Variants in ADAM12 observed in about 807,000 individuals in gnomAD.
ADAM12 encodes ADAM metallopeptidase domain 12.
In ADAM12, 70 loss-of-function variants were observed where a neutral mutation model predicts 106.4. The observed-to-expected ratio is 0.66, with a 90% confidence interval of 0.54 to 0.80. The LOEUF is 0.80. ADAM12 is among the 30% of genes least tolerant of loss of function. The pLI is 0.00. For missense variants in ADAM12, 1,010 were observed against 1,171.9 expected (o/e 0.86, Z 2.02); for synonymous variants, 420 against 433.5 (o/e 0.97, Z 0.39).
chr10:126,116,709 C>T (rs567202574), intron 6 of ADAM12, among the ~76,000 whole-genome samples: 2 of 151,800 alleles, frequency 1.3e-5, no homozygotes, highest in Admixed American at 6.6e-5. Context: ...AAACAGAAGA[C>T]GTGAGGGTTA....
intron 1 of ADAM12, among the ~76,000 whole-genome samples, chr10:126,375,569 G>C (rs1266024239): frequency 6.6e-6 from 1 of 151,890 alleles, no homozygotes; most frequent in Non-Finnish European, 1.5e-5. Flanking sequence ...TACTAAAACT[G>C]TGGAAACAGA....
intron 11 of ADAM12, among the ~76,000 whole-genome samples, chr10:126,079,077 A>G (rs1955159159): frequency 6.6e-6 from 1 of 152,158 alleles, no homozygotes; most frequent in Non-Finnish European, 1.5e-5. Context: ...CTCAAGCCCC[A>G]CTCAGACCTA....
chr10:126,289,331 G>C (rs113682498), intron 2 of ADAM12, among the ~76,000 whole-genome samples: 4 of 152,244 alleles, frequency 2.6e-5, no homozygotes, highest in Non-Finnish European at 5.9e-5. Flanking sequence ...ATGCCAAGGC[G>C]GGGAGGCAGA....
intron 10 of ADAM12, among the ~76,000 whole-genome samples, chr10:126,095,597 T>C (rs984428462): frequency 1.3e-5 from 2 of 151,216 alleles, no homozygotes; most frequent in Non-Finnish European, 2.9e-5. Flanking sequence ...CATAATGTAT[T>C]AATCCATTCA....
chr10:126,092,186 C>T (rs1172406137), intron 11 of ADAM12, among the ~76,000 whole-genome samples: 1 of 152,076 alleles, frequency 6.6e-6, no homozygotes, highest in Non-Finnish European at 1.5e-5. Flanking sequence ...CATGGGAAAC[C>T]ATTTCTGGAG....
intron 5 of ADAM12, among the ~76,000 whole-genome samples, chr10:126,124,083 T>A: frequency 6.6e-6 from 1 of 152,162 alleles, no homozygotes; most frequent in East Asian, 1.9e-4. Flanking sequence ...TAATGTCTGA[T>A]CCTGATTTTT....
chr10:126,128,505 C>T (rs544580908), intron 5 of ADAM12, among the ~76,000 whole-genome samples: 1 of 152,368 alleles, frequency 6.6e-6, no homozygotes, highest in African/African-American at 2.4e-5. Context: ...ATCATCAGCA[C>T]CCCACAGAGT....
intron 3 of ADAM12, among the ~76,000 whole-genome samples, chr10:126,258,826 C>T (rs1166768025): frequency 6.6e-6 from 1 of 152,206 alleles, no homozygotes; most frequent in African/African-American, 2.4e-5. Flanking sequence ...TTCTTTCCCT[C>T]ATTGCCCATG....
intron 3 of ADAM12, among the ~76,000 whole-genome samples, chr10:126,231,315 T>G (rs1420718287): frequency 2.0e-5 from 3 of 151,888 alleles, no homozygotes; most frequent in Non-Finnish European, 4.4e-5. Flanking sequence ...AGGGTTTTTA[T>G]AACAACGATG....
chr10:126,239,951 T>C (rs1303086808), intron 3 of ADAM12, among the ~76,000 whole-genome samples: 1 of 152,216 alleles, frequency 6.6e-6, no homozygotes, highest in African/African-American at 2.4e-5. Flanking sequence ...ACCCAATCAC[T>C]GGGTGTCCAC....
chr10:126,114,944 A>C (rs1955952810), intron 6 of ADAM12, among the ~76,000 whole-genome samples: 1 of 152,176 alleles, frequency 6.6e-6, no homozygotes, highest in South Asian at 2.1e-4. Flanking sequence ...CTCTACATAT[A>C]ATGTGCTATA....
At chr10:126,302,838 T>G (rs1486716718) in intron 2 of ADAM12, among the ~76,000 whole-genome samples, 1 of 152,254 alleles carries the variant, frequency 6.6e-6, no homozygotes, top group Non-Finnish European at 1.5e-5. Flanking sequence ...CCTGTGTGTA[T>G]TTTTGAGGCA....
intron 3 of ADAM12, among the ~76,000 whole-genome samples, chr10:126,276,495 G>A (rs1237975962): frequency 6.6e-6 from 1 of 152,064 alleles, no homozygotes; most frequent in African/African-American, 2.4e-5. Context: ...TGCGTCAAAG[G>A]TATAGTTAAT....
intron 2 of ADAM12, among the ~76,000 whole-genome samples, chr10:126,306,183 C>T (rs769810102): frequency 2.0e-5 from 3 of 151,612 alleles, no homozygotes; most frequent in Non-Finnish European, 4.4e-5. Context: ...TTAAAATAAA[C>T]TTTATATTTT....
chr10:126,305,304 A>G (rs1300987087), intron 2 of ADAM12, among the ~76,000 whole-genome samples: 2 of 152,082 alleles, frequency 1.3e-5, no homozygotes, highest in Non-Finnish European at 2.9e-5. Context: ...TGGACTCCTG[A>G]TACCAACAAC....
rs748051393 is a variant in ADAM12, at chr10:126,019,688, C to T, written c.2660+7G>A. On this transcript the variant is annotated splice_region_variant and intron_variant, in intron 22 of 22. Coordinates refer to ENST00000448723, the MANE Select transcript of ADAM12 (RefSeq NM_001288973.2). ...AGAAAGAGATGGGCATGGCATGTCA[C>T]ACAAACCTGAGGGGTGCCAGGCGGA... The T allele has an allele frequency of 6.2e-7, 1 of 1,612,196 alleles. No individual in the cohort carries two copies. Among genetic ancestry groups the T allele is most frequent in the Non-Finnish European group, 8.5e-7 (1 of 1,178,916 alleles).
chr10:126,190,860 G>C (rs1057396549), intron 3 of ADAM12, among the ~76,000 whole-genome samples: 9 of 152,140 alleles, frequency 5.9e-5, no homozygotes, highest in Non-Finnish European at 7.4e-5. Context: ...AAATAAGATA[G>C]TGGGGTTAGA....
At chr10:126,175,792 G>C (rs371058191) in intron 3 of ADAM12, among the ~76,000 whole-genome samples, 2 of 152,234 alleles carry the variant, frequency 1.3e-5, no homozygotes, top group East Asian at 1.9e-4. Flanking sequence ...CCAGCCGGTG[G>C]CTGCCCTGCA....
At chr10:126,201,583 T>C (rs976270602) in intron 3 of ADAM12, among the ~76,000 whole-genome samples, 1 of 152,138 alleles carries the variant, frequency 6.6e-6, no homozygotes, top group African/African-American at 2.4e-5. Context: ...ACCGAGTTTC[T>C]GTTGTTTGAA....
Sources: gnomAD v4.1 joint callset for allele counts (sites outside exome capture counted in the v4.1 genomes callset) on GRCh38, gnomAD v4.1.1 for gene constraint, MANE v1.5 for transcripts, NCBI Gene and HGNC (gene_info 2026-07-23, HGNC 2026-07-21) for gene names.